The following PARD3 variants were observed in gnomAD, a reference collection of about 807,000 sequenced individuals.
The protein encoded by PARD3 is partitioning defective 3 homolog.
In PARD3, 75 loss-of-function variants were observed where a neutral mutation model predicts 155.4. The observed-to-expected ratio is 0.48, with a 90% confidence interval of 0.40 to 0.58. PARD3 has a LOEUF of 0.58. Among genes scored for constraint, PARD3 ranks in the 20% least tolerant of loss-of-function variants. The pLI is 0.00. For missense variants in PARD3, 1,642 were observed against 1,721.7 expected (o/e 0.95, Z 0.82); for synonymous variants, 576 against 610.5 (o/e 0.94, Z 0.83).
chr10:34,422,829 G>T (rs2132439474), intron 5 of PARD3, among the ~76,000 whole-genome samples: 1 of 152,258 alleles, frequency 6.6e-6, no homozygotes, highest in East Asian at 1.9e-4. Context: ...CATTCTGTTG[G>T]TGTGAATATA....
At chr10:34,569,345 A>C (rs2086199574) in intron 2 of PARD3, among the ~76,000 whole-genome samples, 1 of 152,214 alleles carries the variant, frequency 6.6e-6, no homozygotes. Flanking sequence ...AAATATTTTT[A>C]AATTATGAGG....
intron 2 of PARD3, among the ~76,000 whole-genome samples, chr10:34,665,762 C>CA (rs2093436718): frequency 6.7e-6 from 1 of 150,136 alleles, no homozygotes; most frequent in African/African-American, 2.5e-5. Flanking sequence ...CACTTGAACC[C>CA]AGGAGGCGGA....
intron 1 of PARD3, among the ~76,000 whole-genome samples, chr10:34,736,645 A>T (rs10732429): frequency 0.57 from 81,746 of 142,566 alleles, 24,471 homozygotes; most frequent in East Asian, 0.69. Context: ...TTACTTTATT[A>T]ATTAATTAAT....
In PARD3 at chr10:34,317,973, C is replaced by T. The variant is rs77691520; in HGVS notation, c.2834-635G>A. 1.2e-3 allele frequency among the ~76,000 whole-genome samples: 178 copies of T among 152,260 alleles called. 3 individuals carry two copies. The East Asian group carries it at 0.03, about 26-fold the overall frequency. On this transcript the variant is annotated intron_variant, in intron 19 of 24. Transcript: ENST00000374788. ...GTAAATGCTACTATATATTCTAATC[C>T]TAAACAATCTTGCATGCCTATCTGC...
intron 14 of PARD3, among the ~76,000 whole-genome samples, chr10:34,355,947 C>CAACA (rs1554837480): frequency 2.8e-5 from 2 of 70,336 alleles, no homozygotes; most frequent in Non-Finnish European, 2.9e-5. Context: ...AAAAAAAAAA[C>CAACA]AAAACAAAAC....
rs773234284 is a variant in PARD3, at chr10:34,815,009, C to T, written c.-14G>A. ...GGTCACTTTCATGCCGCCGCCGCCG[C>T]GGGCGGGCCCGCGCCCCTCGCCGAG... is the stretch of plus-strand genomic sequence containing the variant. On this transcript the variant is annotated 5_prime_UTR_variant, in exon 1 of 25. Coordinates refer to ENST00000374788, the MANE Select transcript of PARD3 (RefSeq NM_001184785.2). The T allele has an allele frequency of 6.9e-6, 10 of 1,446,534 alleles. No homozygotes were observed. The South Asian group carries it at 1.1e-4, about 16-fold the overall frequency. 89.6% of individuals were successfully genotyped at this position (1,446,534 alleles called of 1,614,324 possible).
intron 10 of PARD3, among the ~76,000 whole-genome samples, chr10:34,376,329 T>A (rs1355957772): frequency 6.6e-6 from 1 of 152,160 alleles, no homozygotes; most frequent in South Asian, 2.1e-4. Context: ...ATGTTGAAAG[T>A]AAAGCGATTA....
At chr10:34,163,511 G>A (rs1949382191) in intron 22 of PARD3, among the ~76,000 whole-genome samples, 1 of 152,198 alleles carries the variant, frequency 6.6e-6, no homozygotes, top group Admixed American at 6.5e-5. Flanking sequence ...AGAGAGAAGA[G>A]TGGAGATCAC....
intron 12 of PARD3, among the ~76,000 whole-genome samples, chr10:34,362,403 G>C (rs1271137701): frequency 6.6e-6 from 1 of 152,114 alleles, no homozygotes; most frequent in Non-Finnish European, 1.5e-5. Context: ...CAAATACTTT[G>C]ATACAAAAGT....
chr10:34,608,214 A>G (rs1254290790), intron 2 of PARD3, among the ~76,000 whole-genome samples: 1 of 152,198 alleles, frequency 6.6e-6, no homozygotes, highest in Non-Finnish European at 1.5e-5. Context: ...CTGGTAAAAC[A>G]TACTAGAATT....
At chr10:34,620,974 C>G (rs1339304226) in intron 2 of PARD3, among the ~76,000 whole-genome samples, 2 of 152,196 alleles carry the variant, frequency 1.3e-5, no homozygotes. Context: ...GCCTGGTGTA[C>G]AAGTGCAATT....
At chr10:34,614,047 ATG>A (rs1470160686) in intron 2 of PARD3, among the ~76,000 whole-genome samples, 1 of 152,218 alleles carries the variant, frequency 6.6e-6, no homozygotes, top group Non-Finnish European at 1.5e-5. Flanking sequence ...TCATACATAC[ATG>A]TGTTTGTATG....
At chr10:34,671,439 T>C (rs1473093518) in intron 2 of PARD3, among the ~76,000 whole-genome samples, 1 of 152,190 alleles carries the variant, frequency 6.6e-6, no homozygotes, top group East Asian at 1.9e-4. Flanking sequence ...GGCCACAACG[T>C]TGAAATCTTA....
At chr10:34,752,912 A>G (rs1358703168) in intron 1 of PARD3, among the ~76,000 whole-genome samples, 2 of 152,070 alleles carry the variant, frequency 1.3e-5, no homozygotes, top group African/African-American at 4.8e-5. Context: ...ACCCTACCAA[A>G]ACAATTACAG....
chr10:34,383,122 C>T (rs16935346), intron 8 of PARD3, among the ~76,000 whole-genome samples, 200 bp from the exon 9 acceptor site: 1 of 152,142 alleles, frequency 6.6e-6, no homozygotes, highest in Non-Finnish European at 1.5e-5. Context: ...ATAAATTTCT[C>T]ATTCTCTCAA....
intron 22 of PARD3, among the ~76,000 whole-genome samples, chr10:34,268,636 G>T (rs1385816895): frequency 3.3e-5 from 5 of 152,092 alleles, no homozygotes; most frequent in African/African-American, 1.2e-4. Context: ...TAGGGACATG[G>T]ATGAAGCTGG....
intron 22 of PARD3, among the ~76,000 whole-genome samples, chr10:34,176,233 T>A (rs1202495971): frequency 2.0e-5 from 3 of 152,156 alleles, no homozygotes; most frequent in Non-Finnish European, 4.4e-5. Flanking sequence ...TTAAACAAAT[T>A]TAATTTTAAT....
chr10:34,264,712 T>C (rs985523506), intron 22 of PARD3, among the ~76,000 whole-genome samples: 2 of 151,896 alleles, frequency 1.3e-5, no homozygotes, highest in African/African-American at 4.8e-5. Context: ...GGGAAACTTT[T>C]AGCTAGGCAC....
chr10:34,704,042 C>T (rs1020960639), intron 1 of PARD3, among the ~76,000 whole-genome samples: 1 of 152,162 alleles, frequency 6.6e-6, no homozygotes, highest in Non-Finnish European at 1.5e-5. Flanking sequence ...ACACAGAAGA[C>T]AGCTCCCGGG....
Sources: allele counts gnomAD v4.1 joint callset (sites outside exome capture counted in the v4.1 genomes callset), GRCh38; gene constraint gnomAD v4.1.1; transcripts MANE v1.5; gene names NCBI Gene and HGNC (gene_info 2026-07-23, HGNC 2026-07-21).